GRIK2: variants seen among roughly 807,000 people sequenced by gnomAD.
GRIK2 encodes glutamate ionotropic receptor kainate type subunit 2.
Under a neutral mutation model 100.3 loss-of-function variants are expected in GRIK2, and 32 were observed. The ratio of observed to expected loss-of-function variants is 0.32; its 90% CI spans 0.24 to 0.43. The LOEUF is 0.43. Among genes scored for constraint, GRIK2 ranks in the 20% least tolerant of loss-of-function variants. The pLI, the probability that GRIK2 is intolerant of heterozygous loss-of-function variation, is 1.00. For missense variants in GRIK2, 843 were observed against 1,114.9 expected (o/e 0.76, Z 3.47); for synonymous variants, 417 against 389.4 (o/e 1.07, Z -0.83).
At chr6:101,588,683 CAGAAAAGAA>C (rs1018958876) in intron 2 of GRIK2, among the ~76,000 whole-genome samples, 1 of 140,640 alleles carries the variant, frequency 7.1e-6, no homozygotes, top group African/African-American at 2.8e-5. Flanking sequence ...CACACACACA[CAGAAAAGAA>C]AGAAAGAAGA....
chr6:101,991,525 A>T (rs551249755), intron 14 of GRIK2, among the ~76,000 whole-genome samples: 3 of 151,370 alleles, frequency 2.0e-5, no homozygotes, highest in South Asian at 4.1e-4. Context: ...TTAGCAAAAT[A>T]AATATAATAT....
intron 16 of GRIK2, chr6:102,065,977 G>A: frequency 9.2e-7 from 1 of 1,091,528 alleles, no homozygotes. Context: ...TGGCTGTCAG[G>A]TGCCACATAA....
At chr6:101,411,543 G>A (rs1487929804) in intron 2 of GRIK2, among the ~76,000 whole-genome samples, 1 of 152,046 alleles carries the variant, frequency 6.6e-6, no homozygotes, top group Non-Finnish European at 1.5e-5. Flanking sequence ...CTCACACACT[G>A]TGCTAGATAA....
At chr6:101,633,639 G>A (rs1249690216) in intron 4 of GRIK2, among the ~76,000 whole-genome samples, 1 of 151,884 alleles carries the variant, frequency 6.6e-6, no homozygotes. Context: ...AGGAAATTCA[G>A]GAACTACAAT....
intron 4 of GRIK2, among the ~76,000 whole-genome samples, chr6:101,642,820 T>C (rs1781343220): frequency 6.6e-6 from 1 of 151,654 alleles, no homozygotes; most frequent in Admixed American, 6.6e-5. Context: ...CATACTGTTT[T>C]CCATAATGGA....
intron 4 of GRIK2, among the ~76,000 whole-genome samples, chr6:101,633,573 C>A (rs992245109): frequency 1.3e-5 from 2 of 152,026 alleles, no homozygotes; most frequent in Admixed American, 6.6e-5. Flanking sequence ...TCACTAAACT[C>A]TATGATAAAG....
chr6:101,536,608 A>G (rs1364643644), intron 2 of GRIK2, among the ~76,000 whole-genome samples: 2 of 151,752 alleles, frequency 1.3e-5, no homozygotes, highest in Non-Finnish European at 3.0e-5. Context: ...TAAAGTTTCA[A>G]AAACTTAGAT....
intron 2 of GRIK2, among the ~76,000 whole-genome samples, chr6:101,556,907 C>A (rs1776776188): frequency 6.6e-6 from 1 of 152,002 alleles, no homozygotes; most frequent in Admixed American, 6.5e-5. Flanking sequence ...ATTTGTGGTA[C>A]TTTACAATGG....
intron 4 of GRIK2, among the ~76,000 whole-genome samples, chr6:101,638,514 A>G (rs57219339): frequency 0.015 from 2,203 of 151,808 alleles, 59 homozygotes; most frequent in African/African-American, 0.05. Flanking sequence ...AAACTAAGCA[A>G]TTATGCCATA....
chr6:102,001,699 G>T (rs375123986), intron 14 of GRIK2, among the ~76,000 whole-genome samples: 1 of 152,098 alleles, frequency 6.6e-6, no homozygotes, highest in East Asian at 1.9e-4. Context: ...ATCTTTTCCA[G>T]TCTGGTCGTG....
rs556009750 is a variant in GRIK2 at position 101,510,920 on chromosome 6, A to G, written c.116-111029A>G. 2.6e-5 allele frequency among the ~76,000 whole-genome samples: 4 copies of G among 152,312 alleles called. No individual in the cohort carries two copies. In the South Asian group the frequency reaches 8.3e-4, roughly 32 times the overall value. ...TAAATAATATCCAATAGACTACGATATATAAAAAAGAACAAAATGATCGGC... is the reference window on the plus strand; with the variant it reads ...TAAATAATATCCAATAGACTACGATGTATAAAAAAGAACAAAATGATCGGC... On this transcript the variant is annotated intron_variant, in intron 2 of 16. Transcript: ENST00000369134.
At chr6:101,991,025 T>G (rs1272018709) in intron 14 of GRIK2, among the ~76,000 whole-genome samples, 2 of 151,874 alleles carry the variant, frequency 1.3e-5, no homozygotes, top group African/African-American at 4.8e-5. Flanking sequence ...AAGATGCACA[T>G]GCTAAAGCAT....
rs181147872 is a variant in GRIK2 at position 101,840,441 on chromosome 6, T to G, written c.1318-18846T>G. The stretch of plus-strand genomic sequence containing the variant: ...TTACTTCTCTTCATTTGAGATTTAT[T>G]GGATACTCTTAATGACAGACTATAT... On this transcript the variant is annotated intron_variant, in intron 10 of 16. Transcript: ENST00000369134. Among the ~76,000 whole-genome samples the G allele has an allele frequency of 3.4e-3, 516 of 152,326 alleles. 1 individual carries two copies. Among genetic ancestry groups the G allele is most frequent in the South Asian group, 5.4e-3 (26 of 4,834 alleles).
rs1231423757 is a variant in GRIK2 at position 101,515,080 on chromosome 6, A to G, written c.116-106869A>G. ...TCTTCCCGCCAAGTCCCCAGAGTCCACTGTATCATTGTTATGCCTTTGCAT... is the reference window on the plus strand; with the variant it reads ...TCTTCCCGCCAAGTCCCCAGAGTCCGCTGTATCATTGTTATGCCTTTGCAT... On this transcript the variant is annotated intron_variant, in intron 2 of 16. Transcript: ENST00000369134. Among the ~76,000 whole-genome samples the G allele has an allele frequency of 5.3e-5, 8 of 152,032 alleles. No homozygotes were observed. In the East Asian group the frequency reaches 1.5e-3, roughly 29 times the overall value.
Position 101,498,890 on chromosome 6 carries a change from A to G in GRIK2, c.115+99498A>G, listed in dbSNP as rs546500113. Reference sequence around the variant, plus strand: ...TAGTTTAATTAGATCTCATTTGTCAATTTTGGCTTTTGTTGCCATTGCTTT... The same window carrying G: ...TAGTTTAATTAGATCTCATTTGTCAGTTTTGGCTTTTGTTGCCATTGCTTT... On this transcript the variant is annotated intron_variant, in intron 2 of 16. Coordinates refer to ENST00000369134, the MANE Select transcript of GRIK2 (RefSeq NM_021956.5). 9.9e-5 allele frequency among the ~76,000 whole-genome samples: 15 copies of G among 152,186 alleles called. No homozygotes were observed. The South Asian group carries it at 1.9e-3, about 19-fold the overall frequency.
At chr6:101,702,041 A>G (rs1182395291) in intron 7 of GRIK2, among the ~76,000 whole-genome samples, 2 of 62,880 alleles carry the variant, frequency 3.2e-5, no homozygotes, top group Non-Finnish European at 6.8e-5. Flanking sequence ...CTGTATTTTG[A>G]CTCCGTGGTT....
Position 101,424,163 on chromosome 6 carries a change from ATTTTTTTTAT to A in GRIK2, c.115+24783_115+24792del, listed in dbSNP as rs549765290. Among the ~76,000 whole-genome samples, 127 of 151,316 alleles carry A rather than the reference ATTTTTTTTAT, an allele frequency of 8.4e-4. 5 individuals are homozygous for A. In the South Asian group the frequency reaches 0.025, roughly 30 times the overall value. On this transcript the variant is annotated intron_variant, in intron 2 of 16. Coordinates refer to ENST00000369134, the MANE Select transcript of GRIK2 (RefSeq NM_021956.5). ...TCTATCCAAATTTTTTTTCTTCAGAATTTTTTTTATTTTTTTTTATTATACTTTAAGTTTT... is the reference window on the plus strand; with the variant it reads ...TCTATCCAAATTTTTTTTCTTCAGAATTTTTTTTATTATACTTTAAGTTTT...
intron 14 of GRIK2, among the ~76,000 whole-genome samples, chr6:102,000,661 T>C (rs1025879143): frequency 6.6e-6 from 1 of 152,162 alleles, no homozygotes. Context: ...GTTGAACTTA[T>C]TGGTTTAATG....
intron 2 of GRIK2, among the ~76,000 whole-genome samples, chr6:101,436,427 G>C (rs894035603): frequency 2.6e-5 from 4 of 152,010 alleles, no homozygotes; most frequent in South Asian, 4.2e-4. Context: ...TAGCTGCAAG[G>C]CTGTGTACTG....
Sources: gnomAD v4.1 joint callset for allele counts (sites outside exome capture counted in the v4.1 genomes callset) on GRCh38, gnomAD v4.1.1 for gene constraint, MANE v1.5 for transcripts, NCBI Gene and HGNC (gene_info 2026-07-23, HGNC 2026-07-21) for gene names.